The following GPR158 variants were observed in gnomAD, a reference collection of about 807,000 sequenced individuals.
The protein encoded by GPR158 is metabotropic glycine receptor.
In GPR158, 30 loss-of-function variants were observed where a neutral mutation model predicts 78.2. That is an observed-to-expected ratio of 0.38 (90% CI 0.29 to 0.52). The LOEUF is 0.52. GPR158 is among the 20% of genes least tolerant of loss of function. The pLI is 0.83. For synonymous variants in GPR158, 581 were observed against 591.1 expected, an observed-to-expected ratio of 0.98 and a Z score of 0.25; for missense variants, 1,463 against 1,523.5, an observed-to-expected ratio of 0.96 and a Z score of 0.66.
At chr10:25,320,509 C>A (rs1213674337) in intron 2 of GPR158, among the ~76,000 whole-genome samples, 1 of 152,166 alleles carries the variant, frequency 6.6e-6, no homozygotes, top group East Asian at 1.9e-4. Flanking sequence ...TTGAGATGGC[C>A]TTTCCAGTGG....
At chr10:25,435,772 ATAGAT>A (rs937178704) in intron 4 of GPR158, among the ~76,000 whole-genome samples, 11 of 152,218 alleles carry the variant, frequency 7.2e-5, no homozygotes, top group African/African-American at 2.4e-4. Context: ...ACTGTAGAGA[ATAGAT>A]TAGTAAGGGA....
At chr10:25,372,975 G>A (rs1588832116) in intron 2 of GPR158, among the ~76,000 whole-genome samples, 1 of 151,820 alleles carries the variant, frequency 6.6e-6, no homozygotes, top group Non-Finnish European at 1.5e-5. Flanking sequence ...AATATAAATT[G>A]TCTGTCATAA....
chr10:25,356,151 T>A (rs1294210854), intron 2 of GPR158, among the ~76,000 whole-genome samples: 2 of 152,020 alleles, frequency 1.3e-5, no homozygotes, highest in African/African-American at 4.8e-5. Context: ...TTCTTGACAT[T>A]TGGTGCCAGG....
At chr10:25,507,294 C>G (rs903283672) in intron 5 of GPR158, among the ~76,000 whole-genome samples, 3 of 152,186 alleles carry the variant, frequency 2.0e-5, no homozygotes, top group Non-Finnish European at 2.9e-5. Context: ...TTTTGAACAG[C>G]ACTAAAGATG....
intron 5 of GPR158, among the ~76,000 whole-genome samples, chr10:25,543,981 T>C (rs1489388315): frequency 6.6e-6 from 1 of 152,164 alleles, no homozygotes; most frequent in Non-Finnish European, 1.5e-5. Context: ...AGGCAAATTA[T>C]AGTGAGTTCC....
chr10:25,482,673 C>T (rs1835677522), intron 5 of GPR158, among the ~76,000 whole-genome samples: 2 of 152,208 alleles, frequency 1.3e-5, no homozygotes, highest in South Asian at 4.2e-4. Flanking sequence ...ACTCTGCGTG[C>T]CAACACCACC....
chr10:25,275,680 T>C (rs948081554), intron 2 of GPR158, among the ~76,000 whole-genome samples: 1 of 152,204 alleles, frequency 6.6e-6, no homozygotes, highest in Non-Finnish European at 1.5e-5. Flanking sequence ...GACTTTCATT[T>C]ATATAGCCCT....
intron 3 of GPR158, among the ~76,000 whole-genome samples, chr10:25,411,932 A>T (rs11014533): frequency 0.16 from 10,077 of 61,300 alleles, 553 homozygotes; most frequent in African/African-American, 0.28. Context: ...AGACTCTATC[A>T]CAAAAAAAAA....
intron 6 of GPR158, among the ~76,000 whole-genome samples, chr10:25,561,786 T>C (rs1202340093): frequency 6.6e-6 from 1 of 152,236 alleles, no homozygotes; most frequent in Non-Finnish European, 1.5e-5. Context: ...AACCATGATA[T>C]GTTATCACAT....
intron 2 of GPR158, among the ~76,000 whole-genome samples, chr10:25,363,066 G>C (rs558943216): frequency 1.3e-4 from 19 of 151,530 alleles, no homozygotes; most frequent in African/African-American, 2.9e-4. Flanking sequence ...TCTTTAAGCA[G>C]GTTCTGAAAA....
chr10:25,574,747 T>C (rs1352060929), intron 7 of GPR158, among the ~76,000 whole-genome samples: 1 of 152,026 alleles, frequency 6.6e-6, no homozygotes, highest in Admixed American at 6.6e-5. Flanking sequence ...TAGCCAGACA[T>C]GGTGGTACAC....
intron 5 of GPR158, among the ~76,000 whole-genome samples, chr10:25,546,876 G>A (rs1443032108): frequency 6.6e-6 from 1 of 152,146 alleles, no homozygotes; most frequent in Non-Finnish European, 1.5e-5. Context: ...GTTGTGCAAG[G>A]AATATCTAGT....
At chr10:25,373,863 T>C (rs984156265) in intron 2 of GPR158, among the ~76,000 whole-genome samples, 3 of 151,802 alleles carry the variant, frequency 2.0e-5, no homozygotes, top group African/African-American at 7.2e-5. Context: ...TCAAATTTTA[T>C]AAATCCAATT....
intron 2 of GPR158, among the ~76,000 whole-genome samples, chr10:25,335,797 A>G (rs1855190819): frequency 6.6e-6 from 1 of 152,076 alleles, no homozygotes; most frequent in Non-Finnish European, 1.5e-5. Flanking sequence ...GCACCATATT[A>G]TATTAGGTGT....
At chr10:25,212,047 T>C (rs1813863862) in intron 1 of GPR158, among the ~76,000 whole-genome samples, 1 of 152,188 alleles carries the variant, frequency 6.6e-6, no homozygotes, top group South Asian at 2.1e-4. Context: ...AGAATTTTGG[T>C]AGGTTTTGCA....
intron 1 of GPR158, among the ~76,000 whole-genome samples, chr10:25,215,067 C>T (rs1355254498): frequency 2.0e-5 from 3 of 152,094 alleles, no homozygotes; most frequent in East Asian, 3.9e-4. Context: ...ATCTAAGCGG[C>T]TCCATAGCAA....
intron 2 of GPR158, among the ~76,000 whole-genome samples, chr10:25,327,847 G>A (rs971377753): frequency 1.3e-4 from 20 of 152,072 alleles, no homozygotes; most frequent in Non-Finnish European, 2.8e-4. Flanking sequence ...AAACTTGTTT[G>A]GTAAAATGAT....
intron 4 of GPR158, among the ~76,000 whole-genome samples, chr10:25,435,211 T>A (rs1356675325): frequency 6.6e-6 from 1 of 152,170 alleles, no homozygotes; most frequent in East Asian, 1.9e-4. Flanking sequence ...ATCCTATGGG[T>A]AGAGTTCATA....
At chr10:25,536,306 C>A (rs1836500404) in intron 5 of GPR158, among the ~76,000 whole-genome samples, 2 of 151,996 alleles carry the variant, frequency 1.3e-5, no homozygotes, top group Admixed American at 1.3e-4. Context: ...TATATTAAAT[C>A]TCCAGCCTCC....
Sources: gnomAD v4.1 joint callset for allele counts (sites outside exome capture counted in the v4.1 genomes callset) on GRCh38, gnomAD v4.1.1 for gene constraint, MANE v1.5 for transcripts, NCBI Gene and HGNC (gene_info 2026-07-23, HGNC 2026-07-21) for gene names.